The following SMYD3 variants were observed in gnomAD, a reference collection of about 807,000 sequenced individuals.
SMYD3 encodes SET and MYND domain containing 3.
In SMYD3, 36 loss-of-function variants were observed where a neutral mutation model predicts 57.7. The ratio of observed to expected loss-of-function variants is 0.62; its 90% CI spans 0.48 to 0.82. The LOEUF is 0.82. Ranked by LOEUF, SMYD3 falls within the 40% of genes least tolerant of loss-of-function variation. The probability of loss-of-function intolerance (pLI) is 0.00; values close to 1 mark genes in which losing one functional copy is unlikely to be tolerated. For synonymous variants in SMYD3, 211 were observed against 195.0 expected, an observed-to-expected ratio of 1.08 and a Z score of -0.68; for missense variants, 515 against 538.8, an observed-to-expected ratio of 0.96 and a Z score of 0.44.
chr1:246,250,093 T>A (rs1780787), intron 5 of SMYD3, among the ~76,000 whole-genome samples: 9,008 of 152,290 alleles, frequency 0.059, 434 homozygotes, highest in African/African-American at 0.12. Context: ...AAAAATTCTA[T>A]AAAATCTAAA....
chr1:246,283,219 T>C (rs2064489996), intron 5 of SMYD3, among the ~76,000 whole-genome samples: 1 of 152,216 alleles, frequency 6.6e-6, no homozygotes, highest in South Asian at 2.1e-4. Flanking sequence ...AATGTAATCT[T>C]GGGCATGTCA....
At chr1:245,977,474 C>T (rs1161530979) in intron 5 of SMYD3, among the ~76,000 whole-genome samples, 1 of 152,100 alleles carries the variant, frequency 6.6e-6, no homozygotes. Flanking sequence ...AGGCCACGAG[C>T]TTGAGACCAG....
chr1:246,170,553 C>T (rs1338713661), intron 5 of SMYD3, among the ~76,000 whole-genome samples: 8 of 151,742 alleles, frequency 5.3e-5, no homozygotes, highest in East Asian at 1.9e-4. Flanking sequence ...ATTTTTGACT[C>T]GATAAATATT....
intron 10 of SMYD3, among the ~76,000 whole-genome samples, chr1:245,767,227 TA>T (rs35095884): frequency 0.1 from 15,525 of 151,964 alleles, 906 homozygotes; most frequent in Admixed American, 0.17. Flanking sequence ...AGACCGGGAT[TA>T]AGAGTCCAAA....
At chr1:245,963,594 T>C (rs2058065528) in intron 5 of SMYD3, among the ~76,000 whole-genome samples, 1 of 151,620 alleles carries the variant, frequency 6.6e-6, no homozygotes, top group African/African-American at 2.4e-5. Flanking sequence ...AAAATTCCCT[T>C]ATGCTTCCAG....
At chr1:246,143,288 G>A (rs1478113025) in intron 5 of SMYD3, among the ~76,000 whole-genome samples, 2 of 152,190 alleles carry the variant, frequency 1.3e-5, no homozygotes, top group Admixed American at 1.3e-4. Context: ...TTCAAAACAG[G>A]TGCCTTTCTT....
intron 8 of SMYD3, among the ~76,000 whole-genome samples, chr1:245,892,738 G>T (rs2053471863): frequency 6.6e-6 from 1 of 152,096 alleles, no homozygotes; most frequent in South Asian, 2.1e-4. Context: ...AACTGAAAAT[G>T]GATCAAATTC....
chr1:246,347,875 T>C (rs2065749098), intron 2 of SMYD3, among the ~76,000 whole-genome samples: 1 of 151,900 alleles, frequency 6.6e-6, no homozygotes, highest in African/African-American at 2.4e-5. Context: ...GTTTGGAGAC[T>C]TGAACTAAGT....
chr1:246,021,096 T>A (rs2059463580), intron 5 of SMYD3, among the ~76,000 whole-genome samples: 1 of 152,188 alleles, frequency 6.6e-6, no homozygotes, highest in Admixed American at 6.5e-5. Flanking sequence ...ACCAGAAACA[T>A]GTGACAATCA....
chr1:246,190,682 A>G (rs960893252), intron 5 of SMYD3, among the ~76,000 whole-genome samples: 1 of 152,040 alleles, frequency 6.6e-6, no homozygotes. Flanking sequence ...AAATTTTTTA[A>G]AAATCATGAT....
intron 5 of SMYD3, among the ~76,000 whole-genome samples, chr1:246,164,610 G>T (rs1035152726): frequency 6.6e-6 from 1 of 152,092 alleles, no homozygotes; most frequent in African/African-American, 2.4e-5. Context: ...AGGAAGCCAG[G>T]CCCAAAGAGA....
intron 1 of SMYD3, among the ~76,000 whole-genome samples, chr1:246,422,268 G>A (rs185896467): frequency 6.6e-6 from 1 of 152,176 alleles, no homozygotes; most frequent in East Asian, 1.9e-4. Context: ...GCCTTGTTAG[G>A]ATCTTGTTTA....
At chr1:246,301,411 G>C (rs2064890184) in intron 5 of SMYD3, among the ~76,000 whole-genome samples, 1 of 152,096 alleles carries the variant, frequency 6.6e-6, no homozygotes, top group African/African-American at 2.4e-5. Context: ...GTGCCCGAAA[G>C]GGAGGTAGTA....
At chr1:246,022,585 C>T (rs1057425899) in intron 5 of SMYD3, among the ~76,000 whole-genome samples, 4 of 152,126 alleles carry the variant, frequency 2.6e-5, no homozygotes, top group African/African-American at 4.8e-5. Context: ...TATTATTATG[C>T]TACATTATGT....
At chr1:245,780,502 A>G (rs1314990719) in intron 10 of SMYD3, among the ~76,000 whole-genome samples, 1 of 152,154 alleles carries the variant, frequency 6.6e-6, no homozygotes, top group African/African-American at 2.4e-5. Context: ...AGAGACACAA[A>G]CTAGATTAGT....
intron 9 of SMYD3, among the ~76,000 whole-genome samples, chr1:245,859,000 T>C (rs927100971): frequency 6.6e-6 from 1 of 152,254 alleles, no homozygotes; most frequent in African/African-American, 2.4e-5. Flanking sequence ...CTTTATTAAA[T>C]TGGACTAAAG....
intron 10 of SMYD3, among the ~76,000 whole-genome samples, chr1:245,817,827 T>C (rs367896295): frequency 6.6e-6 from 1 of 151,506 alleles, no homozygotes; most frequent in South Asian, 2.1e-4. Context: ...TGAAATGAAG[T>C]GAGAAGGGAA....
chr1:246,364,632 T>C (rs1421294888), intron 1 of SMYD3, among the ~76,000 whole-genome samples: 1 of 152,196 alleles, frequency 6.6e-6, no homozygotes, highest in African/African-American at 2.4e-5. Context: ...GAATCAGAAC[T>C]TGAATACATC....
At chr1:246,239,462 G>A (rs573130941) in intron 5 of SMYD3, among the ~76,000 whole-genome samples, 55 of 152,144 alleles carry the variant, frequency 3.6e-4, no homozygotes, top group Admixed American at 1.6e-3. Flanking sequence ...ATTCCATGGC[G>A]TATATGTGCC....
Sources: gnomAD v4.1 joint callset for allele counts (sites outside exome capture counted in the v4.1 genomes callset) on GRCh38, gnomAD v4.1.1 for gene constraint, MANE v1.5 for transcripts, NCBI Gene and HGNC (gene_info 2026-07-23, HGNC 2026-07-21) for gene names.